Variants in XKR9 observed in about 807,000 individuals in gnomAD.
XKR9 encodes the protein XK-related protein 9.
A neutral mutation model predicts 32.0 loss-of-function variants in XKR9; 32 were observed. The ratio of observed to expected loss-of-function variants is 1.00; its 90% CI spans 0.76 to 1.34. The LOEUF is 1.34. Among genes scored for constraint, XKR9 ranks in the 40% most tolerant of loss-of-function variants. XKR9 has a pLI of 0.00. For missense variants in XKR9, 546 were observed against 429.7 expected, an observed-to-expected ratio of 1.27 and a Z score of -2.39; for synonymous variants, 168 against 143.4, an observed-to-expected ratio of 1.17 and a Z score of -1.22.
chr8:70,915,269 C>T, the XKR9 span, among the ~76,000 whole-genome samples: 4 of 151,872 alleles, frequency 2.6e-5, no homozygotes, highest in East Asian at 3.9e-4. Context: ...GGCCTTTGGC[C>T]GCATGACTCC....
chr8:70,754,616 A>G (rs1807190983), intron 2 of XKR9, among the ~76,000 whole-genome samples: 1 of 151,566 alleles, frequency 6.6e-6, no homozygotes, highest in African/African-American at 2.4e-5. Flanking sequence ...CCGCACATCT[A>G]CAACTATCTG....
chr8:71,050,270 G>GATAGATAGAT, the XKR9 span, among the ~76,000 whole-genome samples: 1 of 123,710 alleles, frequency 8.1e-6, no homozygotes, highest in Admixed American at 7.8e-5. Flanking sequence ...TAGATAGATA[G>GATAGATAGAT]ATAGATATAG....
At chr8:70,848,650 T>C in the XKR9 span, among the ~76,000 whole-genome samples, 1 of 151,550 alleles carries the variant, frequency 6.6e-6, no homozygotes, top group Non-Finnish European at 1.5e-5. Flanking sequence ...ACTGGCAAAT[T>C]GGATAGTCAA....
At chr8:70,892,109 C>A in the XKR9 span, among the ~76,000 whole-genome samples, 1 of 152,004 alleles carries the variant, frequency 6.6e-6, no homozygotes, top group Non-Finnish European at 1.5e-5. Flanking sequence ...CATGGAATAT[C>A]TTTTTCCATC....
chr8:70,894,372 G>A, the XKR9 span, among the ~76,000 whole-genome samples: 2 of 152,032 alleles, frequency 1.3e-5, no homozygotes, highest in Non-Finnish European at 2.9e-5. Flanking sequence ...GGTCTAAAGG[G>A]AGCTAGTTCA....
At chr8:70,725,669 G>C (rs138802769) in intron 4 of XKR9, among the ~76,000 whole-genome samples, 1,758 of 152,200 alleles carry the variant, frequency 0.012, 33 homozygotes, top group African/African-American at 0.038. Flanking sequence ...ACTTTGGGAG[G>C]CTGAGGCGAG....
the XKR9 span, among the ~76,000 whole-genome samples, chr8:70,853,735 T>G: frequency 1.3e-5 from 2 of 152,116 alleles, no homozygotes; most frequent in African/African-American, 4.8e-5. Context: ...TGTCCATGTG[T>G]TCTCATTGTT....
the XKR9 span, among the ~76,000 whole-genome samples, chr8:71,061,354 A>G: frequency 2.0e-5 from 3 of 152,142 alleles, no homozygotes; most frequent in African/African-American, 7.2e-5. Context: ...TGGTCCTCTC[A>G]TAACTTACTC....
the XKR9 span, among the ~76,000 whole-genome samples, chr8:71,052,430 A>G: frequency 1.4e-4 from 21 of 152,098 alleles, no homozygotes; most frequent in African/African-American, 5.1e-4. Context: ...TCCTCAGGGC[A>G]CTTCGTAGAC....
At chr8:70,818,420 C>G in the XKR9 span, among the ~76,000 whole-genome samples, 5 of 152,216 alleles carry the variant, frequency 3.3e-5, no homozygotes, top group South Asian at 4.1e-4. Flanking sequence ...TGTTTATGGA[C>G]TATCTTTTGC....
At chr8:71,004,266 G>A in the XKR9 span, among the ~76,000 whole-genome samples, 1 of 152,178 alleles carries the variant, frequency 6.6e-6, no homozygotes, top group Non-Finnish European at 1.5e-5. Context: ...GGAATGACAG[G>A]CAGGTGGGCT....
intron 2 of XKR9, among the ~76,000 whole-genome samples, chr8:70,783,586 T>C (rs982926845): frequency 2.6e-5 from 4 of 152,204 alleles, no homozygotes; most frequent in Admixed American, 6.5e-5. Flanking sequence ...TTGTTTGAGC[T>C]CCTTGTATAT....
intron 2 of XKR9, among the ~76,000 whole-genome samples, chr8:70,779,522 A>G (rs1306850814): frequency 6.6e-6 from 1 of 152,144 alleles, no homozygotes; most frequent in Non-Finnish European, 1.5e-5. Context: ...TAGTTTCGGA[A>G]GGAATGGTAC....
At chr8:71,055,292 AT>A in the XKR9 span, among the ~76,000 whole-genome samples, 33 of 152,344 alleles carry the variant, frequency 2.2e-4, no homozygotes, top group Non-Finnish European at 4.4e-4. Context: ...GTATAGGATC[AT>A]TGGTTGAAAA....
At chr8:70,870,306 C>T in the XKR9 span, among the ~76,000 whole-genome samples, 2 of 152,134 alleles carry the variant, frequency 1.3e-5, no homozygotes, top group Non-Finnish European at 1.5e-5. Context: ...ACCTGTCCCA[C>T]AGGTTCACAG....
chr8:70,940,050 C>T, the XKR9 span, among the ~76,000 whole-genome samples: 59,755 of 151,678 alleles, frequency 0.39, 13,323 homozygotes, highest in Non-Finnish European at 0.51. Context: ...AAACAAACAC[C>T]GAATATGTAG....
the XKR9 span, among the ~76,000 whole-genome samples, chr8:70,887,245 T>G: frequency 6.6e-6 from 1 of 152,186 alleles, no homozygotes; most frequent in Non-Finnish European, 1.5e-5. Context: ...ATGTGTGGTG[T>G]TATTTCTGAG....
At position 70,734,143 on chromosome 8, in the gene XKR9, C is replaced by A. The variant is rs1359385749; in HGVS notation, c.841C>A (p.Gln281Lys). Reference sequence around the variant, plus strand: ...CTTTACATTTTTTAATATTAAGGGACAGAATACCAAGTGTCCAATGTCTTG... The same window carrying A: ...CTTTACATTTTTTAATATTAAGGGAAAGAATACCAAGTGTCCAATGTCTTG... ...LIFTFFNIKG[Q>K]NTKCPMSCYY... The change falls in exon 5 of 5, where the codon CAG becomes AAG. Residue 281 changes from glutamine (Q) to lysine (K), a missense_variant. Coordinates refer to ENST00000408926, the MANE Select transcript of XKR9 (RefSeq NM_001011720.2). 1.2e-6 allele frequency: 2 copies of A among 1,612,164 alleles called. No homozygotes were observed. Among genetic ancestry groups the A allele is most frequent in the Admixed American group, 1.7e-5 (1 of 59,890 alleles).
intron 4 of XKR9, among the ~76,000 whole-genome samples, chr8:70,728,635 A>G (rs1806557387): frequency 6.6e-6 from 1 of 152,246 alleles, no homozygotes; most frequent in Admixed American, 6.5e-5. Context: ...AAAAAACTCA[A>G]GAACAGCTAA....
Sources: allele counts gnomAD v4.1 joint callset (sites outside exome capture counted in the v4.1 genomes callset), GRCh38; gene constraint gnomAD v4.1.1; transcripts MANE v1.5; gene names NCBI Gene and HGNC (gene_info 2026-07-23, HGNC 2026-07-21).